Variants in SCAF4 observed in about 807,000 individuals in gnomAD.
SCAF4 encodes the protein SR-related CTD associated factor 4.
In SCAF4, 25 loss-of-function variants were observed where a neutral mutation model predicts 129.8. That is an observed-to-expected ratio of 0.19 (90% CI 0.14 to 0.27). The LOEUF (loss-of-function observed/expected upper bound fraction) is 0.27. Among genes scored for constraint, SCAF4 ranks in the 10% least tolerant of loss-of-function variants. The pLI is 1.00. For missense variants in SCAF4, 1,246 were observed against 1,457.1 expected, an observed-to-expected ratio of 0.86 and a Z score of 2.36; for synonymous variants, 551 against 497.7, an observed-to-expected ratio of 1.11 and a Z score of -1.43.
chr21:31,705,615 T>C (rs2050638891), intron 2 of SCAF4, 148 bp from the exon 3 acceptor site: 1 of 340,386 alleles, frequency 2.9e-6, no homozygotes, highest in African/African-American at 2.1e-5. Context: ...AAAAATTTAA[T>C]ATTAAAAAAC....
rs2050095570 is a variant in SCAF4 at position 31,685,413 on chromosome 21, T to C, written c.2281A>G (p.Ile761Val). 1.2e-6 allele frequency: 2 copies of C among 1,611,722 alleles called. No individual in the cohort carries two copies. Among genetic ancestry groups the C allele is most frequent in the Admixed American group, 1.7e-5 (1 of 59,724 alleles). ...ACATGCTTACAGTTTGGGATGCTTATTGGTGGAGTGTGAGGAGGAGGAATG... is the reference window on the plus strand; with the variant it reads ...ACATGCTTACAGTTTGGGATGCTTACTGGTGGAGTGTGAGGAGGAGGAATG... ...VSIPPPHTPP[I>V]SIPNSTIAGI... Residue 761 changes from isoleucine to valine, a missense_variant, in exon 18 of 20, where the codon ATA becomes GTA. This residue lies in a region of SCAF4 where 468 missense variants were observed against 605.5 expected (regional missense o/e 0.77). Coordinates refer to ENST00000286835, the MANE Select transcript of SCAF4 (RefSeq NM_020706.2).
intron 9 of SCAF4, among the ~76,000 whole-genome samples, chr21:31,695,560 T>C (rs530374685): frequency 2.6e-5 from 4 of 152,380 alleles, no homozygotes; most frequent in African/African-American, 9.6e-5. Context: ...AAATTATTTA[T>C]GAACTTTCAG....
intron 1 of SCAF4, among the ~76,000 whole-genome samples, chr21:31,719,278 G>A (rs1056683631): frequency 1.7e-4 from 26 of 150,682 alleles, no homozygotes; most frequent in African/African-American, 5.1e-4. Context: ...CAACAAGAAC[G>A]AAACTCTGTC....
At chr21:31,673,733 A>G (rs1295019108) in intron 19 of SCAF4, among the ~76,000 whole-genome samples, 2 of 152,266 alleles carry the variant, frequency 1.3e-5, no homozygotes, top group Non-Finnish European at 2.9e-5. Flanking sequence ...TGTAGTTCCA[A>G]CACCTGTGGA....
At chr21:31,696,921 T>A (rs540466894) in intron 7 of SCAF4, among the ~76,000 whole-genome samples, 171 bp from the exon 8 acceptor site, 39 of 152,332 alleles carry the variant, frequency 2.6e-4, no homozygotes, top group Non-Finnish European at 4.9e-4. Flanking sequence ...AAACAATTTT[T>A]ACACAGATGC....
chr21:31,700,871 G>GA (rs770335550), intron 7 of SCAF4, 124 bp downstream of exon 7: 44 of 1,092,622 alleles, frequency 4.0e-5, no homozygotes, highest in Non-Finnish European at 5.4e-5. Context: ...TGTTGAGGGG[G>GA]AAAATCTCTC....
chr21:31,684,405 A>G (rs1373498185), intron 19 of SCAF4: 2 of 152,240 alleles, frequency 1.3e-5, no homozygotes, highest in Non-Finnish European at 2.9e-5. Context: ...TTAAAGATGT[A>G]AAAGATCTAA....
chr21:31,693,413 C>T lies in SCAF4; in HGVS notation c.1394G>A (p.Arg465Gln), dbSNP rs2050306774. The change falls in exon 12 of 20, where the codon CGG becomes CAG. Residue 465 changes from arginine (R) to glutamine (Q), a missense_variant. This residue lies in a region of SCAF4 where 468 missense variants were observed against 605.5 expected (regional missense o/e 0.77). Transcript: ENST00000286835. ...AGAATGTCGGCGTCTATCCCTGGAC[C>T]GAGATCGAGAACGTCGATGCCGAGA... ...RRSRHRRSRS[R>Q]SRDRRRHSPR... The T allele has an allele frequency of 3.2e-6, 5 of 1,569,900 alleles. No homozygotes were observed. The highest frequency in any genetic ancestry group is 2.7e-5 in the African/African-American group (2 of 73,828).
intron 2 of SCAF4, 114 bp from the exon 3 acceptor site, chr21:31,705,581 A>G: frequency 2.6e-6 from 1 of 380,022 alleles, no homozygotes; most frequent in Non-Finnish European, 4.8e-6. Context: ...TCAATACTGA[A>G]TGAACCATGA....
chr21:31,717,842 T>TATATATATATACAC (rs547466352), intron 1 of SCAF4, among the ~76,000 whole-genome samples: 3 of 114,384 alleles, frequency 2.6e-5, no homozygotes, highest in African/African-American at 1.0e-4. Context: ...TATATATATA[T>TATATATATATACAC]ACACACACAC....
intron 1 of SCAF4, among the ~76,000 whole-genome samples, chr21:31,707,156 G>A (rs1243699583): frequency 2.0e-5 from 3 of 152,024 alleles, no homozygotes; most frequent in African/African-American, 7.3e-5. Flanking sequence ...CCATAGATGG[G>A]GGGGTTACTT....
At chr21:31,702,212 T>C (rs760415920) in intron 5 of SCAF4, 32 bp downstream of exon 5, 5 of 1,612,764 alleles carry the variant, frequency 3.1e-6, no homozygotes, top group African/African-American at 1.3e-5. Context: ...AATCATACCA[T>C]TGTGTGAGCT....
intron 19 of SCAF4, among the ~76,000 whole-genome samples, chr21:31,683,251 A>C (rs1459195767): frequency 6.6e-6 from 1 of 152,190 alleles, no homozygotes; most frequent in Non-Finnish European, 1.5e-5. Flanking sequence ...TGCAAACAGT[A>C]TGTCAGGTGA....
intron 1 of SCAF4, among the ~76,000 whole-genome samples, chr21:31,717,950 TA>T (rs2050978462): frequency 7.2e-6 from 1 of 138,160 alleles, no homozygotes; most frequent in East Asian, 2.0e-4. Context: ...CACACACATA[TA>T]TATTTTTTTG....
At chr21:31,715,255 T>A (rs1428082076) in intron 1 of SCAF4, among the ~76,000 whole-genome samples, 1 of 152,126 alleles carries the variant, frequency 6.6e-6, no homozygotes, top group Non-Finnish European at 1.5e-5. Context: ...CTTCTCCTTC[T>A]ATCTCTTCTG....
chr21:31,694,684 G>T, intron 10 of SCAF4, 129 bp downstream of exon 10: 1 of 861,258 alleles, frequency 1.2e-6, no homozygotes, highest in South Asian at 1.7e-5. Flanking sequence ...CTGGAGCACT[G>T]AGAGGGTTTA....
At chr21:31,729,148 C>A (rs1424369088) in intron 1 of SCAF4, among the ~76,000 whole-genome samples, 1 of 152,202 alleles carries the variant, frequency 6.6e-6, no homozygotes, top group Admixed American at 6.5e-5. Context: ...CAATGTTTAC[C>A]CACAGCCTAA....
rs557260745 is a variant in SCAF4, at chr21:31,710,346, C to T, written c.31-3989G>A. Among the ~76,000 whole-genome samples the T allele has an allele frequency of 1.6e-4, 24 of 152,026 alleles. No homozygotes were observed. The South Asian group carries it at 4.4e-3, about 28-fold the overall frequency. On this transcript the variant is annotated intron_variant, in intron 1 of 19. Transcript: ENST00000286835. ...GGCAGATCACCTGAGGTCAGGAGTT[C>T]GAGACCGGCCTGGCCAACATGGTGA...
chr21:31,699,361 A>G (rs534155296), intron 7 of SCAF4, among the ~76,000 whole-genome samples: 1 of 152,320 alleles, frequency 6.6e-6, no homozygotes, highest in Non-Finnish European at 1.5e-5. Context: ...TCACAACATA[A>G]AACAAAAAAC....
Sources: allele counts gnomAD v4.1 joint callset (sites outside exome capture counted in the v4.1 genomes callset), GRCh38; gene constraint gnomAD v4.1.1; regional missense constraint gnomAD v4.1.1; transcripts MANE v1.5; gene names NCBI Gene and HGNC (gene_info 2026-07-23, HGNC 2026-07-21).